Variants in ELAVL2 observed in about 807,000 individuals in gnomAD.
ELAVL2 encodes the protein ELAV-like protein 2.
A neutral mutation model predicts 34.6 loss-of-function variants in ELAVL2; 4 were observed. That is an observed-to-expected ratio of 0.12 (90% confidence interval 0.06 to 0.26). ELAVL2 has a LOEUF of 0.26. Among genes scored for constraint, ELAVL2 ranks in the 10% least tolerant of loss-of-function variants. The probability of loss-of-function intolerance (pLI) is 1.00; values close to 1 mark genes in which losing one functional copy is unlikely to be tolerated. For missense variants in ELAVL2, 432 were observed against 442.8 expected (o/e 0.98, Z 0.22); for synonymous variants, 193 against 154.8 (o/e 1.25, Z -1.83).
Position 23,778,775 on chromosome 9 carries a change from T to C in ELAVL2, c.-15-16526A>G, listed in dbSNP as rs562199285. On this transcript the variant is annotated intron_variant, in intron 1 of 6. Coordinates refer to ENST00000397312, the MANE Select transcript of ELAVL2 (RefSeq NM_004432.5). ...ATCTGTGAAAATATTCTAATGAATA[T>C]GCATAACAAAAAATGAGGCAAAAAA... Among the ~76,000 whole-genome samples, 5 of 152,298 alleles carry C rather than the reference T, an allele frequency of 3.3e-5. 1 individual carries two copies. In the South Asian group the frequency reaches 1.0e-3, roughly 32 times the overall value.
At chr9:23,715,765 G>C (rs2042134626) in intron 3 of ELAVL2, among the ~76,000 whole-genome samples, 1 of 151,982 alleles carries the variant, frequency 6.6e-6, no homozygotes, top group Admixed American at 6.6e-5. Context: ...CTAAGACACT[G>C]TCAACAGATT....
chr9:23,828,240 T>C (rs1009895172), upstream of ELAVL2, among the ~76,000 whole-genome samples: 1 of 152,214 alleles, frequency 6.6e-6, no homozygotes, highest in African/African-American at 2.4e-5. Flanking sequence ...TAATACTGTT[T>C]GATTTCATCA....
At chr9:23,727,526 G>C (rs78254154) in intron 3 of ELAVL2, among the ~76,000 whole-genome samples, 165 of 152,170 alleles carry the variant, frequency 1.1e-3, no homozygotes, top group African/African-American at 3.9e-3. Context: ...CAAATGTATA[G>C]AGAACCGCCA....
At chr9:23,837,248 G>A in the ELAVL2 span, among the ~76,000 whole-genome samples, 2 of 152,152 alleles carry the variant, frequency 1.3e-5, no homozygotes, top group African/African-American at 2.4e-5. Flanking sequence ...AGCCCAGGAC[G>A]CCTCTAAGAT....
At chr9:23,733,560 G>A (rs144826654) in intron 2 of ELAVL2, among the ~76,000 whole-genome samples, 1 of 152,140 alleles carries the variant, frequency 6.6e-6, no homozygotes. Flanking sequence ...AGGTACACGT[G>A]GATGTGTTTC....
chr9:23,738,574 T>C (rs2048424749), intron 2 of ELAVL2, among the ~76,000 whole-genome samples: 2 of 152,220 alleles, frequency 1.3e-5, no homozygotes, highest in Non-Finnish European at 2.9e-5. Context: ...ACCTAGACAC[T>C]CACATAATAC....
intron 1 of ELAVL2, among the ~76,000 whole-genome samples, chr9:23,793,990 A>G (rs1410049536): frequency 1.3e-5 from 2 of 152,176 alleles, no homozygotes; most frequent in African/African-American, 4.8e-5. Context: ...GGCCCCATCA[A>G]TGACTCCACC....
At chr9:23,740,013 TCAC>T (rs2048787564) in intron 2 of ELAVL2, among the ~76,000 whole-genome samples, 1 of 152,202 alleles carries the variant, frequency 6.6e-6, no homozygotes, top group East Asian at 1.9e-4. Context: ...TCTAACAAAC[TCAC>T]CAAGTCCATG....
chr9:23,817,197 G>A (rs2063836629), intron 1 of ELAVL2, among the ~76,000 whole-genome samples: 1 of 152,030 alleles, frequency 6.6e-6, no homozygotes. Flanking sequence ...AGAAACTGAT[G>A]TAATAGATAT....
At chr9:23,716,980 T>C (rs867934292) in intron 3 of ELAVL2, among the ~76,000 whole-genome samples, 2 of 152,166 alleles carry the variant, frequency 1.3e-5, no homozygotes, top group East Asian at 3.9e-4. Flanking sequence ...AATCTAAATG[T>C]TGGTAAGTAT....
chr9:23,780,381 T>C (rs1297478209), intron 1 of ELAVL2, among the ~76,000 whole-genome samples: 1 of 152,212 alleles, frequency 6.6e-6, no homozygotes, highest in Non-Finnish European at 1.5e-5. Flanking sequence ...TCAATTGTTA[T>C]TAACTCTTAA....
chr9:23,797,850 C>G (rs1175122810), intron 1 of ELAVL2, among the ~76,000 whole-genome samples: 1 of 152,078 alleles, frequency 6.6e-6, no homozygotes, highest in Non-Finnish European at 1.5e-5. Flanking sequence ...ATCTCTTGAA[C>G]CTGGGAAGCG....
intron 3 of ELAVL2, among the ~76,000 whole-genome samples, chr9:23,720,872 G>T (rs1182040373): frequency 6.6e-6 from 1 of 152,146 alleles, no homozygotes; most frequent in Non-Finnish European, 1.5e-5. Flanking sequence ...AATTTCCTCA[G>T]TCTCTCTCTG....
chr9:23,779,235 A>T (rs2058701780), intron 1 of ELAVL2: 2 of 985,436 alleles, frequency 2.0e-6, no homozygotes, highest in South Asian at 4.7e-5. Context: ...AAGAGGTCTT[A>T]CTTCACACTT....
At chr9:23,800,003 T>A (rs1328852560) in intron 1 of ELAVL2, among the ~76,000 whole-genome samples, 2 of 152,174 alleles carry the variant, frequency 1.3e-5, no homozygotes, top group Non-Finnish European at 2.9e-5. Context: ...TATGCAAGAT[T>A]TGAAGAGTAT....
At chr9:23,820,267 CG>C (rs1588836840) in intron 1 of ELAVL2, among the ~76,000 whole-genome samples, 1 of 152,070 alleles carries the variant, frequency 6.6e-6, no homozygotes, top group South Asian at 2.1e-4. Context: ...ACTGATTCGC[CG>C]TAAGTTTTGA....
chr9:23,725,254 G>A (rs2044789957), intron 3 of ELAVL2, among the ~76,000 whole-genome samples: 1 of 152,066 alleles, frequency 6.6e-6, no homozygotes, highest in Admixed American at 6.5e-5. Context: ...TCACATACAT[G>A]CGCACCCAGA....
intron 1 of ELAVL2, among the ~76,000 whole-genome samples, chr9:23,780,397 A>G (rs1170504734): frequency 6.6e-6 from 1 of 152,192 alleles, no homozygotes; most frequent in Admixed American, 6.5e-5. Context: ...CTTAAGATAA[A>G]TTTCCAACTT....
intron 2 of ELAVL2, among the ~76,000 whole-genome samples, chr9:23,749,702 A>G (rs2051400228): frequency 6.6e-6 from 1 of 152,158 alleles, no homozygotes; most frequent in Non-Finnish European, 1.5e-5. Context: ...CCTCCGGTGA[A>G]CATTTCATTT....
Sources: allele counts gnomAD v4.1 joint callset (sites outside exome capture counted in the v4.1 genomes callset), GRCh38; gene constraint gnomAD v4.1.1; transcripts MANE v1.5; gene names NCBI Gene and HGNC (gene_info 2026-07-23, HGNC 2026-07-21).